The following EDIL3 variants were observed in gnomAD, a reference collection of about 807,000 sequenced individuals.
EDIL3 encodes the protein EGF-like repeat and discoidin I-like domain-containing protein 3.
A neutral mutation model predicts 67.4 loss-of-function variants in EDIL3; 37 were observed. The ratio of observed to expected loss-of-function variants is 0.55; its 90% CI spans 0.42 to 0.72. The LOEUF (loss-of-function observed/expected upper bound fraction) is 0.72. Ranked by LOEUF, EDIL3 falls within the 30% of genes least tolerant of loss-of-function variation. EDIL3 has a pLI of 0.00. For missense variants in EDIL3, 527 were observed against 586.3 expected (o/e 0.90, Z 1.04); for synonymous variants, 195 against 196.3 (o/e 0.99, Z 0.05).
At chr5:84,039,742 A>G (rs1239318410) in intron 9 of EDIL3, among the ~76,000 whole-genome samples, 1 of 152,138 alleles carries the variant, frequency 6.6e-6, no homozygotes, top group East Asian at 1.9e-4. Flanking sequence ...TAAAAGTATA[A>G]GTACATCCCA....
intron 10 of EDIL3, among the ~76,000 whole-genome samples, chr5:83,956,573 C>G (rs1744517289): frequency 6.6e-6 from 1 of 151,772 alleles, no homozygotes; most frequent in African/African-American, 2.4e-5. Flanking sequence ...TTTCACTTTG[C>G]TAAGTCAATT....
At chr5:84,171,271 A>C (rs1454401533) in intron 4 of EDIL3, among the ~76,000 whole-genome samples, 1 of 152,200 alleles carries the variant, frequency 6.6e-6, no homozygotes, top group Non-Finnish European at 1.5e-5. Context: ...TAAAGTAGCA[A>C]TTTTCAACTA....
chr5:84,292,542 C>T (rs1745944363), intron 1 of EDIL3, among the ~76,000 whole-genome samples: 1 of 152,032 alleles, frequency 6.6e-6, no homozygotes. Flanking sequence ...TACAAACTCT[C>T]AATGGCAGAA....
chr5:84,295,715 T>A (rs1261724870), intron 1 of EDIL3, among the ~76,000 whole-genome samples: 3 of 152,146 alleles, frequency 2.0e-5, no homozygotes, highest in African/African-American at 7.2e-5. Context: ...TAATGCATAC[T>A]GATATTAATT....
chr5:84,321,460 C>G (rs1451799757), intron 1 of EDIL3, among the ~76,000 whole-genome samples: 1 of 152,110 alleles, frequency 6.6e-6, no homozygotes, highest in Non-Finnish European at 1.5e-5. Flanking sequence ...ACAACAAATG[C>G]ACTCTCAGAA....
intron 3 of EDIL3, among the ~76,000 whole-genome samples, chr5:84,185,908 A>T (rs1478253053): frequency 6.6e-6 from 1 of 152,114 alleles, no homozygotes; most frequent in Non-Finnish European, 1.5e-5. Flanking sequence ...ACTTAATTTA[A>T]CTACTTCTAT....
chr5:84,083,820 T>C (rs1189790142), intron 6 of EDIL3, among the ~76,000 whole-genome samples: 1 of 152,218 alleles, frequency 6.6e-6, no homozygotes, highest in African/African-American at 2.4e-5. Context: ...AAGAACTAAA[T>C]GATTTTTCAA....
intron 1 of EDIL3, among the ~76,000 whole-genome samples, chr5:84,285,097 A>G (rs1745783744): frequency 6.6e-6 from 1 of 152,198 alleles, no homozygotes; most frequent in African/African-American, 2.4e-5. Context: ...TATTTGAACC[A>G]TATACGTAAA....
In EDIL3 at chr5:84,169,489, C is replaced by A. The variant is rs188425198; in HGVS notation, c.355+10904G>T. ...TGTATGTGTCATCACAGTCAATATA[C>A]GAAATGGTTCAAACACAAGGACACC... is the stretch of plus-strand genomic sequence containing the variant. On this transcript the variant is annotated intron_variant, in intron 4 of 10. Transcript: ENST00000296591. Among the ~76,000 whole-genome samples the A allele has an allele frequency of 6.6e-5, 10 of 151,990 alleles. No individual in the cohort carries two copies. The East Asian group carries it at 1.9e-3, about 29-fold the overall frequency.
chr5:84,348,075 T>C (rs1191364742), intron 1 of EDIL3, among the ~76,000 whole-genome samples: 1 of 152,102 alleles, frequency 6.6e-6, no homozygotes, highest in East Asian at 1.9e-4. Flanking sequence ...AAGTGGTCCA[T>C]GAAAGGAAAC....
chr5:84,232,087 T>G (rs1249153489), intron 2 of EDIL3, among the ~76,000 whole-genome samples: 1 of 152,220 alleles, frequency 6.6e-6, no homozygotes, highest in East Asian at 1.9e-4. Flanking sequence ...CTGCTGTGCC[T>G]TATTGTATCA....
At chr5:84,029,539 A>T (rs1220792896) in intron 9 of EDIL3, among the ~76,000 whole-genome samples, 1 of 152,190 alleles carries the variant, frequency 6.6e-6, no homozygotes, top group Admixed American at 6.5e-5. Context: ...ACCTTTCATG[A>T]AAAATAATAG....
chr5:84,297,886 C>A (rs1243669265), intron 1 of EDIL3, among the ~76,000 whole-genome samples: 2 of 152,094 alleles, frequency 1.3e-5, no homozygotes, highest in Admixed American at 6.5e-5. Flanking sequence ...AGCCACGAGC[C>A]CTGGATTCTA....
intron 3 of EDIL3, among the ~76,000 whole-genome samples, chr5:84,204,139 A>G (rs553360598): frequency 5.9e-4 from 90 of 152,338 alleles, no homozygotes; most frequent in Admixed American, 1.3e-3. Context: ...CATTTAGTGA[A>G]TAAACTTAAC....
intron 10 of EDIL3, among the ~76,000 whole-genome samples, chr5:83,947,828 C>A (rs1387450629): frequency 6.6e-6 from 1 of 151,818 alleles, no homozygotes; most frequent in Admixed American, 6.6e-5. Flanking sequence ...ACATACTTAA[C>A]AATAATTGAC....
At chr5:84,001,319 G>T (rs923825686) in intron 9 of EDIL3, among the ~76,000 whole-genome samples, 1 of 152,180 alleles carries the variant, frequency 6.6e-6, no homozygotes. Context: ...AAAACGCTGG[G>T]ACTCACAAAA....
chr5:84,291,551 T>C lies in EDIL3; in HGVS notation c.68-37339A>G, dbSNP rs1282920223. On this transcript the variant is annotated intron_variant, in intron 1 of 10. Coordinates refer to ENST00000296591, the MANE Select transcript of EDIL3 (RefSeq NM_005711.5). ...GTAAATAACAAACCGAATAGAATTT[T>C]AGACAAAAATTGATACAAAGATTAT... 2.6e-5 allele frequency among the ~76,000 whole-genome samples: 4 copies of C among 151,620 alleles called. No homozygotes were observed. The East Asian group carries it at 5.8e-4, about 22-fold the overall frequency.
At chr5:84,075,693 T>A (rs1746840308) in intron 6 of EDIL3, among the ~76,000 whole-genome samples, 1 of 152,066 alleles carries the variant, frequency 6.6e-6, no homozygotes, top group Non-Finnish European at 1.5e-5. Flanking sequence ...CAGGCTTATC[T>A]CAAACTCTCA....
intron 9 of EDIL3, among the ~76,000 whole-genome samples, chr5:84,002,966 C>T (rs1052438808): frequency 6.6e-6 from 1 of 152,298 alleles, no homozygotes; most frequent in Non-Finnish European, 1.5e-5. Flanking sequence ...AACATTTCCA[C>T]TGACAGAGGC....
Sources: gnomAD v4.1 joint callset for allele counts (sites outside exome capture counted in the v4.1 genomes callset) on GRCh38, gnomAD v4.1.1 for gene constraint, MANE v1.5 for transcripts, NCBI Gene and HGNC (gene_info 2026-07-23, HGNC 2026-07-21) for gene names.